MPDZ: variants seen among roughly 807,000 people sequenced by gnomAD.
MPDZ encodes the protein multiple PDZ domain protein.
Under a neutral mutation model 239.1 loss-of-function variants are expected in MPDZ, and 234 were observed. The observed-to-expected ratio is 0.98, with a 90% CI of 0.88 to 1.09. The LOEUF (loss-of-function observed/expected upper bound fraction) is 1.09. Ranked by LOEUF, MPDZ falls within the 50% of genes least tolerant of loss-of-function variation. The pLI, the probability that MPDZ is intolerant of heterozygous loss-of-function variation, is 0.00. For missense variants in MPDZ, 3,175 were observed against 2,510.0 expected, an observed-to-expected ratio of 1.26 and a Z score of -5.66; for synonymous variants, 1,048 against 881.3, an observed-to-expected ratio of 1.19 and a Z score of -3.35.
At chr9:13,209,986 T>C (rs990741953) in intron 10 of MPDZ, among the ~76,000 whole-genome samples, 1 of 138,858 alleles carries the variant, frequency 7.2e-6, no homozygotes, top group Non-Finnish European at 1.6e-5. Context: ...GGGAAAAAAA[T>C]CAAAGAAAGG....
chr9:13,130,085 C>G (rs898530302), intron 32 of MPDZ, among the ~76,000 whole-genome samples: 2 of 152,148 alleles, frequency 1.3e-5, no homozygotes, highest in Non-Finnish European at 2.9e-5. Flanking sequence ...CAGAAGGCTA[C>G]TACCTGCTTT....
At chr9:13,203,329 T>C (rs901737515) in intron 12 of MPDZ, among the ~76,000 whole-genome samples, 1 of 152,138 alleles carries the variant, frequency 6.6e-6, no homozygotes, top group Non-Finnish European at 1.5e-5. Flanking sequence ...CTGCTGTGTT[T>C]ACACAGCTAG....
At chr9:13,198,114 G>C (rs1382776359) in intron 12 of MPDZ, among the ~76,000 whole-genome samples, 1 of 152,068 alleles carries the variant, frequency 6.6e-6, no homozygotes, top group Non-Finnish European at 1.5e-5. Flanking sequence ...ATATACCCAA[G>C]AGTAGGACTG....
Position 13,137,965 on chromosome 9 carries a change from G to T in MPDZ, c.4192C>A (p.Leu1398Ile). 1 of 1,613,626 alleles carries T rather than the reference G, an allele frequency of 6.2e-7. No homozygotes were observed. Among genetic ancestry groups the T allele is most frequent in the East Asian group, 2.2e-5 (1 of 44,808 alleles). Reference protein sequence around the residue: ...KDGRLQIADELLEINGQILYG... With the variant: ...KDGRLQIADEILEINGQILYG... ...TTTCCACAAAAACTTACCTCTAGAA[G>T]CTCATCTGCAATTTGCAATCGACCA... The change falls in exon 29 of 47, where the codon CTT becomes ATT. Residue 1398 changes from leucine to isoleucine, a missense_variant. Coordinates refer to ENST00000319217, the MANE Select transcript of MPDZ (RefSeq NM_001378778.1).
chr9:13,211,646 T>C (rs1208053187), intron 10 of MPDZ, among the ~76,000 whole-genome samples: 1 of 152,086 alleles, frequency 6.6e-6, no homozygotes, highest in Non-Finnish European at 1.5e-5. Flanking sequence ...AGGTAGTATG[T>C]AATAATCTGT....
rs190594264 is a variant in MPDZ, at chr9:13,172,571, G to C, written c.3055+3181C>G. Among the ~76,000 whole-genome samples, 875 of 152,144 alleles carry C rather than the reference G, an allele frequency of 5.8e-3. 12 individuals are homozygous for C. The highest frequency in any genetic ancestry group is 0.02 in the African/African-American group (838 of 41,526). ...CAGCTAATTTTTTGTATTTTCAGTA[G>C]AGACGGGGTTTCGCCATGTTGGGCA... On this transcript the variant is annotated intron_variant, in intron 21 of 46. Transcript: ENST00000319217.
At chr9:13,112,828 A>G (rs748199445) in intron 42 of MPDZ, among the ~76,000 whole-genome samples, 183 bp downstream of exon 42, 2 of 152,236 alleles carry the variant, frequency 1.3e-5, no homozygotes, top group Non-Finnish European at 2.9e-5. Flanking sequence ...ACGATTTTTC[A>G]AATGAGGTGC....
chr9:13,113,360 G>A (rs559916650), intron 41 of MPDZ, among the ~76,000 whole-genome samples: 2 of 151,944 alleles, frequency 1.3e-5, no homozygotes, highest in Non-Finnish European at 2.9e-5. Flanking sequence ...ACATGTGCAC[G>A]GCTGAGAGGA....
chr9:13,116,724 A>G (rs1943514162), intron 39 of MPDZ, among the ~76,000 whole-genome samples: 1 of 152,208 alleles, frequency 6.6e-6, no homozygotes, highest in Non-Finnish European at 1.5e-5. Context: ...GATTATTTAA[A>G]AAAGTGTTAA....
At chr9:13,262,558 T>G (rs1970932070) in intron 1 of MPDZ, among the ~76,000 whole-genome samples, 1 of 151,990 alleles carries the variant, frequency 6.6e-6, no homozygotes, top group African/African-American at 2.4e-5. Context: ...CGTTAAAACT[T>G]TAATGTACCA....
Position 13,219,547 on chromosome 9 carries a change from T to A in MPDZ, c.1086+12A>T. The stretch of plus-strand genomic sequence containing the variant: ...TCTCTGACTTTCACATTAACTACTC[T>A]TAACTACTTACCCGCAACTCTGGTG... On this transcript the variant is annotated intron_variant, in intron 8 of 46. Coordinates refer to ENST00000319217, the MANE Select transcript of MPDZ (RefSeq NM_001378778.1). 1.2e-6 allele frequency: 2 copies of A among 1,609,556 alleles called. No individual in the cohort carries two copies. The highest frequency in any genetic ancestry group is 1.7e-6 in the Non-Finnish European group (2 of 1,177,278).
chr9:13,188,731 T>C lies in MPDZ; in HGVS notation c.2364+53A>G, dbSNP rs1587646166. 6 of 1,526,156 alleles carry C rather than the reference T, an allele frequency of 3.9e-6. No homozygotes were observed. The East Asian group carries it at 1.1e-4, about 29-fold the overall frequency. The allele number at this position is 1,526,156 out of a possible 1,614,324, so 94.5% of individuals were successfully genotyped here. On this transcript the variant is annotated intron_variant, in intron 17 of 46. Coordinates refer to ENST00000319217, the MANE Select transcript of MPDZ (RefSeq NM_001378778.1). Reference sequence around the variant, plus strand: ...ACACCTAAAGCGAAAAGTAGACCTATGAACCATTTTGCTTATAAATATAAA... The same window carrying C: ...ACACCTAAAGCGAAAAGTAGACCTACGAACCATTTTGCTTATAAATATAAA...
chr9:13,261,401 C>T (rs554699728), intron 1 of MPDZ, among the ~76,000 whole-genome samples: 1 of 152,080 alleles, frequency 6.6e-6, no homozygotes, highest in Non-Finnish European at 1.5e-5. Flanking sequence ...CATTTAAACA[C>T]ACCTATTTGT....
chr9:13,216,681 G>C, intron 10 of MPDZ, 93 bp downstream of exon 10: 2 of 875,770 alleles, frequency 2.3e-6, no homozygotes, highest in South Asian at 1.8e-5. Flanking sequence ...AATTAGTACA[G>C]AGTTAACTCT....
rs766488949 is a variant in MPDZ at position 13,216,791 on chromosome 9, C to A, written c.1273G>T (p.Gly425Ter). 5.0e-6 allele frequency: 8 copies of A among 1,608,308 alleles called. No homozygotes were observed. Among genetic ancestry groups the A allele is most frequent in the Non-Finnish European group, 6.8e-6 (8 of 1,176,818 alleles). ...AVEHDGRIQI[G>*]DQIIAVDGTN... ...TAACTTACTGCTATAATTTGGTCTC[C>A]AATTTGGATTCTTCCATCATGCTCA... Residue 425 changes from glycine (G) to a stop codon, truncating the protein, a stop_gained, in exon 10 of 47, where the codon GGA (glycine) becomes TGA (stop). Coordinates refer to ENST00000319217, the MANE Select transcript of MPDZ (RefSeq NM_001378778.1). LOFTEE classifies it high-confidence loss of function.
Position 13,110,678 on chromosome 9 carries a change from T to C in MPDZ, c.5787A>G (p.Ala1929=), listed in dbSNP as rs747725660. 13 of 1,613,688 alleles carry C rather than the reference T, an allele frequency of 8.1e-6. No individual in the cohort carries two copies. The highest frequency in any genetic ancestry group is 3.3e-5 in the Admixed American group (2 of 59,970). The stretch of plus-strand genomic sequence containing the variant: ...CAGATGCATTTTTCAGTAGGTTAAC[T>C]GCTTGGGTGTGAGTCATGCCCTCAG... The part of the protein sequence containing the change: ...TSTEGMTHTQ[A]VNLLKNASGS... Residue 1929 remains alanine, a synonymous_variant, in exon 44 of 47, where the codon GCA becomes GCG. Coordinates refer to ENST00000319217, the MANE Select transcript of MPDZ (RefSeq NM_001378778.1).
Position 13,168,475 on chromosome 9 carries a change from C to A in MPDZ, c.3145G>T (p.Ala1049Ser). Residue 1049 changes from alanine (A) to serine (S), a missense_variant, in exon 22 of 47, where the codon GCC (alanine) becomes TCC (serine). Physicochemically the swap from Ala to Ser is moderately conservative, Grantham distance 99. Coordinates refer to ENST00000319217, the MANE Select transcript of MPDZ (RefSeq NM_001378778.1). ...ATGGACAAGATGCAGTCCCCAATGG[C>A]AATCCGGCCATCTCGACTAATGGCA... ...GGAISRDGRI[A>S]IGDCILSINE... 6.2e-7 allele frequency: 1 copy of A among 1,613,516 alleles called. No individual in the cohort carries two copies. The highest frequency in any genetic ancestry group is 8.5e-7 in the Non-Finnish European group (1 of 1,179,596).
chr9:13,166,869 G>A (rs1951152131), intron 22 of MPDZ, among the ~76,000 whole-genome samples: 1 of 152,134 alleles, frequency 6.6e-6, no homozygotes, highest in South Asian at 2.1e-4. Context: ...GAGTTGACCA[G>A]ATGCATGACT....
chr9:13,186,785 T>C (rs1178120095), intron 17 of MPDZ, among the ~76,000 whole-genome samples: 1 of 152,086 alleles, frequency 6.6e-6, no homozygotes, highest in African/African-American at 2.4e-5. Context: ...CTTTTAGGTA[T>C]TAATAAAAGA....
Sources: allele counts gnomAD v4.1 joint callset (sites outside exome capture counted in the v4.1 genomes callset), GRCh38; gene constraint gnomAD v4.1.1; transcripts MANE v1.5; gene names NCBI Gene and HGNC (gene_info 2026-07-23, HGNC 2026-07-21).